The following GPAM variants were observed in gnomAD, a reference collection of about 807,000 sequenced individuals.
GPAM encodes the protein glycerol-3-phosphate acyltransferase, mitochondrial.
In GPAM, 56 loss-of-function variants were observed where a neutral mutation model predicts 105.0. The observed-to-expected ratio is 0.53, with a 90% confidence interval of 0.43 to 0.67. The LOEUF is 0.67. GPAM is among the 30% of genes least tolerant of loss of function. GPAM has a pLI of 0.00. For missense variants in GPAM, 855 were observed against 989.8 expected (o/e 0.86, Z 1.83); for synonymous variants, 368 against 354.4 (o/e 1.04, Z -0.43).
intron 14 of GPAM, among the ~76,000 whole-genome samples, chr10:112,162,522 A>G (rs1413298827): frequency 6.6e-6 from 1 of 152,208 alleles, no homozygotes; most frequent in Non-Finnish European, 1.5e-5. Context: ...ATCTGAGAAC[A>G]CCCATGGAAT....
chr10:112,179,451 A>C (rs1325014590), intron 4 of GPAM, among the ~76,000 whole-genome samples: 1 of 152,250 alleles, frequency 6.6e-6, no homozygotes, highest in Non-Finnish European at 1.5e-5. Context: ...CCTAGGCTAG[A>C]AATTTCTGTG....
upstream of GPAM, among the ~76,000 whole-genome samples, chr10:112,218,665 A>G (rs1305739493): frequency 1.3e-5 from 2 of 152,240 alleles, no homozygotes; most frequent in African/African-American, 4.8e-5. Context: ...GGACTGCTCA[A>G]CTGAATATAC....
the GPAM span, among the ~76,000 whole-genome samples, chr10:112,227,083 G>C: frequency 1.3e-5 from 2 of 152,254 alleles, no homozygotes; most frequent in South Asian, 2.1e-4. Flanking sequence ...GACCCCTCAG[G>C]CATGCCACTC....
intron 21 of GPAM, chr10:112,154,004 A>G (rs1488957971): frequency 7.3e-6 from 2 of 272,574 alleles, no homozygotes; most frequent in East Asian, 1.9e-4. Flanking sequence ...TAGTATCTCT[A>G]TAGAACTTAC....
the GPAM span, among the ~76,000 whole-genome samples, chr10:112,222,090 C>T: frequency 6.6e-6 from 1 of 152,160 alleles, no homozygotes; most frequent in East Asian, 1.9e-4. Flanking sequence ...AAAGGTGAAA[C>T]AAAATTTGTC....
chr10:112,209,587 C>G (rs1235356454), intron 1 of GPAM, among the ~76,000 whole-genome samples: 1 of 152,108 alleles, frequency 6.6e-6, no homozygotes, highest in Non-Finnish European at 1.5e-5. Flanking sequence ...GAGAAGCCAG[C>G]CTCCTGCCTG....
intron 1 of GPAM, among the ~76,000 whole-genome samples, chr10:112,193,823 C>T (rs544830738): frequency 2.0e-5 from 3 of 152,252 alleles, no homozygotes; most frequent in East Asian, 1.9e-4. Flanking sequence ...GGCTAGGCTG[C>T]GAAGATCTTA....
At chr10:112,224,617 T>G in the GPAM span, among the ~76,000 whole-genome samples, 1 of 152,122 alleles carries the variant, frequency 6.6e-6, no homozygotes, top group Admixed American at 6.5e-5. Context: ...CTTGAAGCTG[T>G]TTGTTTTTGT....
At chr10:112,163,869 C>T in intron 13 of GPAM, 53 bp from the exon 14 acceptor site, 1 of 807,614 alleles carries the variant, frequency 1.2e-6, no homozygotes, top group Non-Finnish European at 2.2e-6. Flanking sequence ...ACAAGGCAAA[C>T]CATGTGGAAC....
upstream of GPAM, among the ~76,000 whole-genome samples, chr10:112,187,816 T>A (rs1847612996): frequency 6.6e-6 from 1 of 151,634 alleles, no homozygotes; most frequent in Non-Finnish European, 1.5e-5. Context: ...ATAAAACAAG[T>A]CTTGATGCAC....
At chr10:112,179,566 T>C (rs1847469081) in intron 4 of GPAM, among the ~76,000 whole-genome samples, 1 of 152,166 alleles carries the variant, frequency 6.6e-6, no homozygotes, top group South Asian at 2.1e-4. Flanking sequence ...TAACATAAAC[T>C]GCTTGGGTTC....
At chr10:112,216,985 T>A (rs889681759), upstream of GPAM, among the ~76,000 whole-genome samples, 1 of 151,806 alleles carries the variant, frequency 6.6e-6, no homozygotes, top group Non-Finnish European at 1.5e-5. Context: ...AAAATTGATA[T>A]ATAACGTCTC....
chr10:112,151,531 T>C lies in GPAM; in HGVS notation c.*2019A>G, dbSNP rs1406958517. On this transcript the variant is annotated 3_prime_UTR_variant, in exon 22 of 22. Coordinates refer to ENST00000348367, the MANE Select transcript of GPAM (RefSeq NM_001244949.2). ...GGTGAGAGAGCTAGCAAATCATACA[T>C]TGCATTCCCCAAAGCATCTGAACGT... The C allele has an allele frequency of 4.1e-6, 4 of 985,648 alleles. No homozygotes were observed. Among genetic ancestry groups the C allele is most frequent in the Admixed American group, 6.1e-5 (1 of 16,266 alleles). The allele number at this position is 985,648 out of a possible 1,614,324, so 61.1% of individuals were successfully genotyped here. A position where few individuals can be genotyped will look rare whatever the true frequency, so the allele number is the denominator to read the frequency against.
In GPAM at chr10:112,154,663, A is replaced by C. The variant is rs1393197879; in HGVS notation, c.2336T>G (p.Val779Gly). ...VYAESATYCLVKNAVKMFKDI... is the reference protein window; with the variant it reads ...VYAESATYCLGKNAVKMFKDI... ...CTTAAACATTTTCACAGCATTCTTC[A>C]CAAGACAATATGTGGCACTCTCAGC... Residue 779 changes from valine to glycine, a missense_variant, in exon 21 of 22, where the codon GTG becomes GGG. Transcript: ENST00000348367. The C allele has an allele frequency of 3.1e-6, 5 of 1,609,508 alleles. No individual in the cohort carries two copies. Among genetic ancestry groups the C allele is most frequent in the Non-Finnish European group, 8.5e-7 (1 of 1,175,934 alleles).
chr10:112,222,888 A>T, the GPAM span, among the ~76,000 whole-genome samples: 1 of 151,822 alleles, frequency 6.6e-6, no homozygotes, highest in Non-Finnish European at 1.5e-5. Context: ...ACAGAGGAGC[A>T]CTGTTTAGAT....
In GPAM at chr10:112,180,525, C is replaced by G. The variant is rs200546323; in HGVS notation, c.173G>C (p.Arg58Pro). Residue 58 changes from arginine (R) to proline (P), a missense_variant, in exon 4 of 22, where the codon CGG becomes CCG. Physicochemically the swap from Arg to Pro is moderately radical, Grantham distance 103. Coordinates refer to ENST00000348367, the MANE Select transcript of GPAM (RefSeq NM_001244949.2). Reference protein sequence around the residue: ...TLKWKESLMSRKRPFVGRCCY... With the variant: ...TLKWKESLMSPKRPFVGRCCY... ...ACATCTTCCAACAAATGGCCTTTTC[C>G]GACTCATTAGGCTTTCTTTCCATTT... 3 of 1,613,224 alleles carry G rather than the reference C, an allele frequency of 1.9e-6. No individual in the cohort carries two copies. In the East Asian group the frequency reaches 6.7e-5, roughly 36 times the overall value.
At chr10:112,201,418 A>C (rs115503682) in intron 1 of GPAM, among the ~76,000 whole-genome samples, 2,409 of 152,200 alleles carry the variant, frequency 0.016, 63 homozygotes, top group African/African-American at 0.055. Flanking sequence ...CAGGAACTAC[A>C]AGCTCTCACA....
Position 112,153,236 on chromosome 10 carries a change from A to G in GPAM, c.*314T>C, listed in dbSNP as rs1179217813. On this transcript the variant is annotated 3_prime_UTR_variant, in exon 22 of 22. Coordinates refer to ENST00000348367, the MANE Select transcript of GPAM (RefSeq NM_001244949.2). ...GTGTCCATCACAGTAATTAGTCCTT[A>G]AAAGTTGTACTTAAAATGTCAATCT... The G allele has an allele frequency of 1.7e-6, 2 of 1,186,244 alleles. No homozygotes were observed. Among genetic ancestry groups the G allele is most frequent in the East Asian group, 1.0e-4 (2 of 19,402 alleles). The allele number at this position is 1,186,244 out of a possible 1,614,324, so 73.5% of individuals were successfully genotyped here.
chr10:112,153,711 TA>T (rs3216019), intron 21 of GPAM, 45 bp from the exon 22 acceptor site: 187,018 of 1,595,678 alleles, frequency 0.12, 11,989 homozygotes, highest in Admixed American at 0.2. Context: ...AAATAAAAAA[TA>T]AAAAAAATTT....
Sources: gnomAD v4.1 joint callset for allele counts (sites outside exome capture counted in the v4.1 genomes callset) on GRCh38, gnomAD v4.1.1 for gene constraint, MANE v1.5 for transcripts, NCBI Gene and HGNC (gene_info 2026-07-23, HGNC 2026-07-21) for gene names.